SGCZ: variants seen among roughly 807,000 people sequenced by gnomAD.
SGCZ encodes sarcoglycan zeta.
Under a neutral mutation model 41.3 loss-of-function variants are expected in SGCZ, and 40 were observed. The ratio of observed to expected loss-of-function variants is 0.97; its 90% CI spans 0.75 to 1.26. The LOEUF (loss-of-function observed/expected upper bound fraction) is 1.26, where lower values mean the gene tolerates loss of function less well. SGCZ is among the 50% of genes most tolerant of loss of function. SGCZ has a pLI of 0.00. For synonymous variants in SGCZ, 206 were observed against 137.5 expected, an observed-to-expected ratio of 1.50 and a Z score of -3.49; for missense variants, 552 against 369.8, an observed-to-expected ratio of 1.49 and a Z score of -4.04.
At chr8:14,852,507 A>G (rs763746363) in intron 1 of SGCZ, among the ~76,000 whole-genome samples, 16 of 152,192 alleles carry the variant, frequency 1.1e-4, no homozygotes, top group Non-Finnish European at 7.3e-5. Context: ...TTAATTCAAC[A>G]AAAGTTGCCA....
intron 2 of SGCZ, among the ~76,000 whole-genome samples, chr8:14,523,034 G>C (rs1363973747): frequency 4.0e-5 from 6 of 151,818 alleles, no homozygotes; most frequent in African/African-American, 1.5e-4. Context: ...TTCTACTACT[G>C]TCAGTATTTT....
intron 2 of SGCZ, among the ~76,000 whole-genome samples, chr8:14,327,549 C>T (rs928366531): frequency 6.6e-6 from 1 of 152,074 alleles, no homozygotes; most frequent in African/African-American, 2.4e-5. Context: ...ATTCCCATTT[C>T]AATATTAATA....
chr8:14,744,889 A>G (rs1195754530), intron 1 of SGCZ, among the ~76,000 whole-genome samples: 1 of 152,170 alleles, frequency 6.6e-6, no homozygotes, highest in Non-Finnish European at 1.5e-5. Context: ...TTTTCATTTT[A>G]TAACAGCTTT....
At chr8:15,187,356 A>G (rs141860891) in intron 1 of SGCZ, among the ~76,000 whole-genome samples, 211 of 152,238 alleles carry the variant, frequency 1.4e-3, no homozygotes, top group African/African-American at 4.7e-3. Context: ...TATTTCCCAC[A>G]AATTAGAATA....
intron 4 of SGCZ, among the ~76,000 whole-genome samples, chr8:14,186,928 G>A (rs1437062751): frequency 6.6e-6 from 1 of 151,802 alleles, no homozygotes; most frequent in Non-Finnish European, 1.5e-5. Flanking sequence ...AACTATTCCT[G>A]GAAAAAAGTT....
chr8:14,280,046 T>A (rs1056953302), intron 3 of SGCZ, among the ~76,000 whole-genome samples: 1 of 151,994 alleles, frequency 6.6e-6, no homozygotes, highest in Non-Finnish European at 1.5e-5. Flanking sequence ...TATAGATTTC[T>A]GAGTCATACA....
chr8:14,562,954 AC>A (rs1311434375), intron 1 of SGCZ, among the ~76,000 whole-genome samples: 2 of 152,210 alleles, frequency 1.3e-5, no homozygotes, highest in Non-Finnish European at 2.9e-5. Flanking sequence ...CAACTGGGCT[AC>A]CCAAAGGAGG....
chr8:14,669,461 A>AC (rs1418843535), intron 1 of SGCZ, among the ~76,000 whole-genome samples: 1 of 152,034 alleles, frequency 6.6e-6, no homozygotes, highest in Non-Finnish European at 1.5e-5. Context: ...GTATCCTTTG[A>AC]CCAGTATCTA....
intron 3 of SGCZ, among the ~76,000 whole-genome samples, chr8:14,250,539 T>C (rs556936622): frequency 1.1e-4 from 17 of 152,176 alleles, no homozygotes. Context: ...TGTGCTAGCC[T>C]CCCCACCTGA....
At chr8:15,147,328 G>T (rs1799061812) in intron 1 of SGCZ, among the ~76,000 whole-genome samples, 1 of 152,090 alleles carries the variant, frequency 6.6e-6, no homozygotes, top group African/African-American at 2.4e-5. Context: ...GACCAGGCTG[G>T]AGTGCAATGG....
At chr8:15,005,070 G>A (rs1802556347) in intron 1 of SGCZ, among the ~76,000 whole-genome samples, 1 of 152,158 alleles carries the variant, frequency 6.6e-6, no homozygotes, top group African/African-American at 2.4e-5. Context: ...TTCACACGGT[G>A]CGCTAGATGG....
intron 1 of SGCZ, among the ~76,000 whole-genome samples, chr8:14,912,530 T>G (rs189697346): frequency 6.6e-6 from 1 of 152,170 alleles, no homozygotes; most frequent in Non-Finnish European, 1.5e-5. Flanking sequence ...TACATCAAAT[T>G]AGGACAACAT....
At chr8:15,217,409 T>G (rs935574251) in intron 1 of SGCZ, among the ~76,000 whole-genome samples, 1 of 100,042 alleles carries the variant, frequency 1.0e-5, no homozygotes, top group African/African-American at 3.5e-5. Flanking sequence ...ACAGCGAGAC[T>G]CCGTCTCAAA....
chr8:15,135,800 A>C (rs1429004906), intron 1 of SGCZ, among the ~76,000 whole-genome samples: 1 of 152,102 alleles, frequency 6.6e-6, no homozygotes, highest in African/African-American at 2.4e-5. Context: ...TTAGACAGCA[A>C]CTTTTATTGA....
At chr8:14,393,039 G>T (rs1008153471) in intron 2 of SGCZ, among the ~76,000 whole-genome samples, 1 of 152,064 alleles carries the variant, frequency 6.6e-6, no homozygotes, top group African/African-American at 2.4e-5. Flanking sequence ...ATTCCAGGTA[G>T]TGATTTCTGT....
chr8:14,096,553 G>A (rs759748750), intron 7 of SGCZ, among the ~76,000 whole-genome samples: 21 of 152,106 alleles, frequency 1.4e-4, no homozygotes, highest in Admixed American at 5.2e-4. Context: ...AGGGATGTTG[G>A]CCTAAAATTT....
At chr8:14,667,388 G>C (rs1361898427) in intron 1 of SGCZ, among the ~76,000 whole-genome samples, 1 of 152,072 alleles carries the variant, frequency 6.6e-6, no homozygotes, top group Non-Finnish European at 1.5e-5. Context: ...TGCAGAACTG[G>C]AAAAATCCAG....
intron 4 of SGCZ, among the ~76,000 whole-genome samples, chr8:14,233,512 G>A (rs968483269): frequency 6.7e-6 from 1 of 149,980 alleles, no homozygotes; most frequent in Non-Finnish European, 1.5e-5. Flanking sequence ...ATTATTATTA[G>A]TAGCGTTGTA....
At chr8:14,470,792 G>C (rs572540050) in intron 2 of SGCZ, among the ~76,000 whole-genome samples, 6 of 152,202 alleles carry the variant, frequency 3.9e-5, no homozygotes, top group South Asian at 4.1e-4. Flanking sequence ...AAAGTCATTC[G>C]AACTCGAGTT....
Sources: allele counts gnomAD v4.1 joint callset (sites outside exome capture counted in the v4.1 genomes callset), GRCh38; gene constraint gnomAD v4.1.1; transcripts MANE v1.5; gene names NCBI Gene and HGNC (gene_info 2026-07-23, HGNC 2026-07-21).